Variants in GRAMD1B observed in about 807,000 individuals in gnomAD.
GRAMD1B encodes protein Aster-B.
Under a neutral mutation model 99.7 loss-of-function variants are expected in GRAMD1B, and 37 were observed. That is an observed-to-expected ratio of 0.37 (90% CI 0.29 to 0.49). The LOEUF is 0.49. Among genes scored for constraint, GRAMD1B ranks in the 20% least tolerant of loss-of-function variants. GRAMD1B has a pLI of 0.98. For missense variants in GRAMD1B, 888 were observed against 1,009.2 expected (o/e 0.88, Z 1.63); for synonymous variants, 427 against 387.6 (o/e 1.10, Z -1.19).
chr11:123,608,326 G>T lies in GRAMD1B; in HGVS notation c.1514-333G>T, dbSNP rs1374368065. ...ATTCTTTGGGTTTAGGCAACTTCCA[G>T]AAGTAGTCATTTATTTGAATTTTAG... On this transcript the variant is annotated intron_variant, in intron 11 of 19. Coordinates refer to ENST00000635736, the MANE Select transcript of GRAMD1B (RefSeq NM_001387025.1). The T allele has an allele frequency of 6.3e-6, 4 of 632,806 alleles. No individual in the cohort carries two copies. In the Admixed American group the frequency reaches 1.2e-4, roughly 19 times the overall value. 39.2% of individuals were successfully genotyped at this position (632,806 alleles called of 1,614,324 possible). A position where few individuals can be genotyped will look rare whatever the true frequency, so the allele number is the denominator to read the frequency against.
chr11:123,403,448 G>GATGATA (rs1251720908), intron 1 of GRAMD1B, among the ~76,000 whole-genome samples: 652 of 139,134 alleles, frequency 4.7e-3, no homozygotes, highest in Non-Finnish European at 6.2e-3. Context: ...TGATGATGAT[G>GATGATA]ATAATAATAA....
chr11:123,455,657 C>T (rs1950083530), intron 1 of GRAMD1B, among the ~76,000 whole-genome samples: 1 of 152,106 alleles, frequency 6.6e-6, no homozygotes, highest in African/African-American at 2.4e-5. Flanking sequence ...TATTTTTTAG[C>T]TTTTTTGAGG....
chr11:123,438,360 C>T (rs1949258960), intron 1 of GRAMD1B, among the ~76,000 whole-genome samples: 1 of 152,118 alleles, frequency 6.6e-6, no homozygotes, highest in Non-Finnish European at 1.5e-5. Context: ...TGGAAGCAGT[C>T]AGCCCTCCCC....
chr11:123,381,691 T>C (rs1946880377), intron 1 of GRAMD1B, among the ~76,000 whole-genome samples: 1 of 152,264 alleles, frequency 6.6e-6, no homozygotes, highest in Non-Finnish European at 1.5e-5. Flanking sequence ...GTGCACTGAA[T>C]GCTGCCTGGG....
intron 2 of GRAMD1B, among the ~76,000 whole-genome samples, chr11:123,523,068 A>G (rs1942351239): frequency 6.6e-6 from 1 of 152,214 alleles, no homozygotes; most frequent in Non-Finnish European, 1.5e-5. Context: ...GCGGTGGCTC[A>G]TGCCTGTAAT....
At chr11:123,440,087 TG>T (rs1246285649) in intron 1 of GRAMD1B, among the ~76,000 whole-genome samples, 3 of 152,160 alleles carry the variant, frequency 2.0e-5, no homozygotes, top group Admixed American at 6.5e-5. Context: ...AGGCAATGGA[TG>T]GTTAGTTTAG....
chr11:123,417,861 G>C (rs1373648253), intron 1 of GRAMD1B, among the ~76,000 whole-genome samples: 2 of 152,174 alleles, frequency 1.3e-5, no homozygotes, highest in Non-Finnish European at 2.9e-5. Flanking sequence ...CTTGAACATA[G>C]GAGGTGGAGG....
intron 1 of GRAMD1B, among the ~76,000 whole-genome samples, chr11:123,407,638 C>T (rs926048492): frequency 3.3e-5 from 5 of 152,154 alleles, no homozygotes; most frequent in African/African-American, 4.8e-5. Flanking sequence ...CAGTTTTACA[C>T]GGGGTTAGTT....
chr11:123,430,787 GC>G lies in GRAMD1B; in HGVS notation c.-1del. 1.5e-6 allele frequency: 1 copy of G among 673,900 alleles called. No homozygotes were observed. The highest frequency in any genetic ancestry group is 2.7e-6 in the Non-Finnish European group (1 of 372,820). 41.7% of individuals were successfully genotyped at this position (673,900 alleles called of 1,614,324 possible). A position where few individuals can be genotyped will look rare whatever the true frequency, so the allele number is the denominator to read the frequency against. On this transcript the variant is annotated 5_prime_UTR_variant, in exon 1 of 20. Coordinates refer to ENST00000635736, the MANE Select transcript of GRAMD1B (RefSeq NM_001387025.1). Reference sequence around the variant, plus strand: ...GCTCAGGGGGAGCGCAGAGGCGACGGCCCCCATGCCGGCGGCCAACATGATG... The same window carrying G: ...GCTCAGGGGGAGCGCAGAGGCGACGGCCCCATGCCGGCGGCCAACATGATG...
intron 2 of GRAMD1B, among the ~76,000 whole-genome samples, chr11:123,503,454 C>A (rs1218353782): frequency 6.6e-6 from 1 of 152,094 alleles, no homozygotes; most frequent in Non-Finnish European, 1.5e-5. Flanking sequence ...CCCACCCATA[C>A]CCCTAAGATA....
At chr11:123,477,043 A>G (rs1489406276) in intron 1 of GRAMD1B, among the ~76,000 whole-genome samples, 1 of 152,154 alleles carries the variant, frequency 6.6e-6, no homozygotes, top group Non-Finnish European at 1.5e-5. Flanking sequence ...TTCTTTTCCT[A>G]TAACCCATAA....
chr11:123,498,568 T>G (rs1939548844), intron 2 of GRAMD1B, among the ~76,000 whole-genome samples: 1 of 152,180 alleles, frequency 6.6e-6, no homozygotes, highest in Non-Finnish European at 1.5e-5. Flanking sequence ...AGTTTAAAAT[T>G]TGTTGTTCTT....
intron 1 of GRAMD1B, among the ~76,000 whole-genome samples, chr11:123,369,814 A>G (rs997262779): frequency 1.8e-4 from 28 of 151,864 alleles, no homozygotes; most frequent in African/African-American, 6.0e-4. Flanking sequence ...TGAGGTTGCA[A>G]TGAACCGAGT....
At chr11:123,381,936 G>T (rs1037134554) in intron 1 of GRAMD1B, among the ~76,000 whole-genome samples, 1 of 152,130 alleles carries the variant, frequency 6.6e-6, no homozygotes, top group African/African-American at 2.4e-5. Flanking sequence ...AGCACCTACT[G>T]CTCTGTTTAC....
At chr11:123,373,947 G>A (rs1344146248) in intron 1 of GRAMD1B, among the ~76,000 whole-genome samples, 1 of 152,126 alleles carries the variant, frequency 6.6e-6, no homozygotes, top group Non-Finnish European at 1.5e-5. Context: ...ATCCCATCTG[G>A]ATAAACTATC....
intron 1 of GRAMD1B, among the ~76,000 whole-genome samples, chr11:123,410,673 C>T (rs1031067467): frequency 6.6e-6 from 1 of 152,050 alleles, no homozygotes; most frequent in Non-Finnish European, 1.5e-5. Context: ...CACATGCTTC[C>T]TGAGGGTTTG....
At chr11:123,541,538 AT>A (rs796079422) in intron 2 of GRAMD1B, among the ~76,000 whole-genome samples, 4,188 of 143,168 alleles carry the variant, frequency 0.029, 168 homozygotes, top group African/African-American at 0.1. Flanking sequence ...CTGTGAATTG[AT>A]TTTTTTTTTT....
intron 2 of GRAMD1B, among the ~76,000 whole-genome samples, chr11:123,512,553 A>G (rs926795669): frequency 2.6e-5 from 4 of 152,058 alleles, no homozygotes; most frequent in Admixed American, 6.6e-5. Context: ...TTTATTTTCT[A>G]CAAAAAATGA....
At chr11:123,391,747 C>T (rs1349911011) in intron 1 of GRAMD1B, among the ~76,000 whole-genome samples, 1 of 152,212 alleles carries the variant, frequency 6.6e-6, no homozygotes, top group Non-Finnish European at 1.5e-5. Context: ...TGAGCCACCA[C>T]ACCCGGCCAA....
Sources: gnomAD v4.1 joint callset for allele counts (sites outside exome capture counted in the v4.1 genomes callset) on GRCh38, gnomAD v4.1.1 for gene constraint, MANE v1.5 for transcripts, NCBI Gene and HGNC (gene_info 2026-07-23, HGNC 2026-07-21) for gene names.